The following PTPRA variants were observed in gnomAD, a reference collection of about 807,000 sequenced individuals.
The protein encoded by PTPRA is protein tyrosine phosphatase receptor type A, also known as receptor-type tyrosine-protein phosphatase alpha.
PTPRA carries 25 observed loss-of-function variants against 104.8 expected under a neutral mutation model. The observed-to-expected ratio is 0.24, with a 90% CI of 0.17 to 0.33. The LOEUF (loss-of-function observed/expected upper bound fraction) is 0.33, where lower values mean the gene tolerates loss of function less well. Ranked by LOEUF, PTPRA falls within the 10% of genes least tolerant of loss-of-function variation. The pLI is 1.00. For missense variants in PTPRA, 765 were observed against 1,015.3 expected (o/e 0.75, Z 3.35); for synonymous variants, 323 against 368.9 (o/e 0.88, Z 1.43).
At chr20:2,961,434 C>T (rs2061751581) in intron 3 of PTPRA, among the ~76,000 whole-genome samples, 1 of 152,124 alleles carries the variant, frequency 6.6e-6, no homozygotes, top group Admixed American at 6.6e-5. Flanking sequence ...TGTTTATCTT[C>T]TTTGGTGAGG....
At chr20:2,867,165 C>T in the PTPRA span, among the ~76,000 whole-genome samples, 197 of 152,282 alleles carry the variant, frequency 1.3e-3, no homozygotes, top group African/African-American at 4.0e-3. Context: ...TTTGAAACCC[C>T]GGGCCAAGTG....
the PTPRA span, among the ~76,000 whole-genome samples, chr20:2,868,278 C>G: frequency 6.6e-6 from 1 of 151,070 alleles, no homozygotes; most frequent in Non-Finnish European, 1.5e-5. Context: ...CAGGCCCACC[C>G]CACCAATTTC....
At chr20:2,978,975 TC>T (rs2062559140) in intron 6 of PTPRA, among the ~76,000 whole-genome samples, 2 of 152,208 alleles carry the variant, frequency 1.3e-5, no homozygotes, top group African/African-American at 4.8e-5. Flanking sequence ...GCCAATCTCT[TC>T]CCTTCATGTC....
At chr20:3,015,952 T>C (rs2064425958) in intron 12 of PTPRA, 67 bp downstream of exon 12, 1 of 1,437,342 alleles carries the variant, frequency 7.0e-7, no homozygotes, top group East Asian at 2.3e-5. Flanking sequence ...GGTTTTTTTC[T>C]CCCAAATGCT....
upstream of PTPRA, among the ~76,000 whole-genome samples, chr20:2,870,801 A>G (rs909206692): frequency 4.6e-5 from 7 of 152,146 alleles, no homozygotes; most frequent in African/African-American, 1.4e-4. Context: ...CGAAATGCCT[A>G]CCTGTAGGTA....
intron 20 of PTPRA, among the ~76,000 whole-genome samples, chr20:3,032,507 C>T (rs1331906752): frequency 2.0e-5 from 3 of 152,232 alleles, no homozygotes; most frequent in South Asian, 2.1e-4. Context: ...GTGGCTCACG[C>T]CTGTAATCCC....
At chr20:2,877,843 T>C (rs2089820895) in intron 1 of PTPRA, among the ~76,000 whole-genome samples, 2 of 152,230 alleles carry the variant, frequency 1.3e-5, no homozygotes, top group African/African-American at 4.8e-5. Context: ...TATTTACTCA[T>C]TTAAGTATTT....
chr20:2,916,980 CAG>C (rs1297916418), intron 1 of PTPRA, among the ~76,000 whole-genome samples: 2 of 122,754 alleles, frequency 1.6e-5, no homozygotes, highest in African/African-American at 3.3e-5. Flanking sequence ...TTTTTTGAGA[CAG>C]AGTCTCCCTC....
chr20:2,871,669 G>A (rs1321843249), upstream of PTPRA, among the ~76,000 whole-genome samples: 1 of 152,180 alleles, frequency 6.6e-6, no homozygotes, highest in Non-Finnish European at 1.5e-5. Flanking sequence ...TACTTGTTAG[G>A]GGTTTTCACA....
intron 9 of PTPRA, among the ~76,000 whole-genome samples, chr20:2,998,628 A>G (rs1192291426): frequency 6.6e-6 from 1 of 152,130 alleles, no homozygotes; most frequent in Non-Finnish European, 1.5e-5. Flanking sequence ...TTTAAACAGA[A>G]CTGTTCCAAG....
chr20:2,965,235 C>T, intron 5 of PTPRA, 33 bp downstream of exon 5: 1 of 1,529,100 alleles, frequency 6.5e-7, no homozygotes, highest in South Asian at 1.2e-5. Flanking sequence ...TTCTTTTGCT[C>T]TTTGAGTTTA....
At chr20:2,884,669 A>G (rs2146881427) in intron 1 of PTPRA, among the ~76,000 whole-genome samples, 1 of 152,274 alleles carries the variant, frequency 6.6e-6, no homozygotes, top group East Asian at 1.9e-4. Flanking sequence ...TATAAGTCCC[A>G]TATCAGATAT....
chr20:3,008,019 A>G (rs1189934609), intron 11 of PTPRA, among the ~76,000 whole-genome samples: 3 of 152,256 alleles, frequency 2.0e-5, no homozygotes. Flanking sequence ...GAAAAAACAC[A>G]TAAAGAGTTA....
At chr20:2,864,405 A>C in the PTPRA span, 23 of 1,613,976 alleles carry the variant, frequency 1.4e-5, no homozygotes, top group African/African-American at 2.0e-4. This position sits in a 1 kb window ranked among gnomAD's most constrained non-coding sequence, Gnocchi z 5.2. Context: ...AGCTGAACCG[A>C]GGAGATTTTT....
At chr20:2,922,952 G>A (rs1477975543) in intron 1 of PTPRA, among the ~76,000 whole-genome samples, 2 of 152,006 alleles carry the variant, frequency 1.3e-5, no homozygotes, top group African/African-American at 4.8e-5. Flanking sequence ...TTTGAGACTG[G>A]GTCTCATTCT....
At chr20:2,885,587 C>T (rs933850879) in intron 1 of PTPRA, among the ~76,000 whole-genome samples, 2 of 152,176 alleles carry the variant, frequency 1.3e-5, no homozygotes, top group African/African-American at 4.8e-5. Context: ...ACATATCATT[C>T]ATGAAATAGT....
chr20:2,954,755 T>G (rs770780671), intron 3 of PTPRA, among the ~76,000 whole-genome samples: 2 of 152,210 alleles, frequency 1.3e-5, no homozygotes, highest in African/African-American at 2.4e-5. Flanking sequence ...TGGTGTTATA[T>G]CCAAGAAATT....
Position 3,035,966 on chromosome 20 carries a change from G to A in PTPRA, c.2198+25G>A, listed in dbSNP as rs752373377. 2.7e-5 allele frequency: 43 copies of A among 1,612,366 alleles called. No individual in the cohort carries two copies. The highest frequency in any genetic ancestry group is 5.5e-5 in the South Asian group (5 of 91,004). On this transcript the variant is annotated intron_variant, in intron 22 of 23. Coordinates refer to ENST00000399903, the MANE Select transcript of PTPRA (RefSeq NM_001385305.1). The surrounding 1 kb of genome is among the most constrained non-coding windows in gnomAD (Gnocchi z 5.8). ...GGTATGGCTCACCCTTGCCCTCAGC[G>A]GGAGAGAGAAAGCGAGGAGGGGCAG... is the stretch of plus-strand genomic sequence containing the variant.
intron 5 of PTPRA, among the ~76,000 whole-genome samples, chr20:2,971,891 G>A (rs1422664891): frequency 2.0e-5 from 3 of 152,112 alleles, no homozygotes. Flanking sequence ...CTGGAGTGCA[G>A]TGGCGCCATC....
Sources: gnomAD v4.1 joint callset for allele counts (sites outside exome capture counted in the v4.1 genomes callset) on GRCh38, gnomAD v4.1.1 for gene constraint, Gnocchi (gnomAD v3.1) non-coding constraint, MANE v1.5 for transcripts, NCBI Gene and HGNC (gene_info 2026-07-23, HGNC 2026-07-21) for gene names.